The following SH2D1A variants were observed in gnomAD, a reference collection of about 807,000 sequenced individuals.
The protein encoded by SH2D1A is SH2 domain containing 1A.
Under a neutral mutation model 10.1 loss-of-function variants are expected in SH2D1A, and 6 were observed. The ratio of observed to expected loss-of-function variants is 0.60; its 90% CI spans 0.33 to 1.18. The LOEUF is 1.18. Ranked by LOEUF, SH2D1A falls within the 50% of genes most tolerant of loss-of-function variation. SH2D1A has a pLI of 0.04. For synonymous variants in SH2D1A, 42 were observed against 36.9 expected (o/e 1.14, Z -0.51); for missense variants, 51 against 97.6 (o/e 0.52, Z 2.01).
At chrX:124,362,439 G>A (rs1486658798) in intron 1 of SH2D1A, among the ~76,000 whole-genome samples, 1 of 112,199 alleles carries the variant, frequency 8.9e-6, no homozygotes, top group Non-Finnish European at 1.9e-5. Flanking sequence ...GGACTTGCTT[G>A]GGACCTGTGA....
intron 2 of SH2D1A, among the ~76,000 whole-genome samples, chrX:124,367,014 C>A (rs139819459): frequency 0.022 from 2,376 of 110,076 alleles, 62 homozygotes; most frequent in African/African-American, 0.074. Flanking sequence ...ATCTTAAATG[C>A]TTAGGGTTTA....
rs1341460307 is a variant in SH2D1A at position 124,372,023 on chromosome X, C to G, written c.*632C>G. 6.3e-6 allele frequency: 1 copy of G among 158,566 alleles called. No homozygotes were observed. The highest frequency in any genetic ancestry group is 1.2e-5 in the Non-Finnish European group (1 of 81,875). The allele number at this position is 158,566 out of a possible 1,213,427, so 13.1% of individuals were successfully genotyped here. A position where few individuals can be genotyped will look rare whatever the true frequency, so the allele number is the denominator to read the frequency against. On this transcript the variant is annotated 3_prime_UTR_variant, in exon 4 of 4. Transcript: ENST00000371139. ...AAAATCTTATAATTTAAAATATGCT[C>G]TAAACATGTTTATCGTATTTGATGC...
intron 2 of SH2D1A, chrX:124,367,645 T>C (rs2060059153): frequency 8.9e-6 from 1 of 112,219 alleles, no homozygotes; most frequent in Non-Finnish European, 1.9e-5. Context: ...TGTGCATATA[T>C]TATGCTAGAA....
Position 124,350,963 on chromosome X carries a change from ATTG to A in SH2D1A, c.137+4186_137+4188del, listed in dbSNP as rs1240853542. Among the ~76,000 whole-genome samples the A allele has an allele frequency of 2.9e-3, 172 of 59,390 alleles. 5 individuals are homozygous for A. Among genetic ancestry groups the A allele is most frequent in the African/African-American group, 0.016 (163 of 10,389 alleles). 51.6% of individuals were successfully genotyped at this position (59,390 alleles called of 115,157 possible). Reference sequence around the variant, plus strand: ...GTATATAAGATATAATATATTATATATTGTATATAAGATATAATATATTATATA... The same window carrying A: ...GTATATAAGATATAATATATTATATATATATAAGATATAATATATTATATA... On this transcript the variant is annotated intron_variant, in intron 1 of 3. Coordinates refer to ENST00000371139, the MANE Select transcript of SH2D1A (RefSeq NM_002351.5).
Position 124,370,199 on chromosome X carries a change from A to G in SH2D1A, c.225A>G (p.Arg75=), listed in dbSNP as rs371553659. The G allele has an allele frequency of 2.5e-6, 3 of 1,202,565 alleles. No homozygotes were observed. In the African/African-American group the frequency reaches 5.3e-5, roughly 21 times the overall value. The part of the protein sequence containing the change: ...SAETAPGVHK[R]YFRKIKNLIS... Reference sequence around the variant, plus strand: ...AGACAGCACCTGGGGTACATAAAAGATATTTCCGGAAAATAAAAAATCTCA... The same window carrying G: ...AGACAGCACCTGGGGTACATAAAAGGTATTTCCGGAAAATAAAAAATCTCA... The change falls in exon 3 of 4, where the codon AGA becomes AGG. Residue 75 remains arginine (R), a synonymous_variant. Transcript: ENST00000371139.
intron 1 of SH2D1A, among the ~76,000 whole-genome samples, chrX:124,351,057 A>G (rs2060013477): frequency 1.1e-5 from 1 of 91,386 alleles, no homozygotes; most frequent in African/African-American, 4.0e-5. Context: ...ATATTATTAT[A>G]AATATATATT....
chrX:124,351,857 G>GT (rs754898914), intron 1 of SH2D1A, among the ~76,000 whole-genome samples: 1 of 110,251 alleles, frequency 9.1e-6, no homozygotes, highest in Non-Finnish European at 1.9e-5. Flanking sequence ...GAAGTTTGGT[G>GT]TTTGCCCTTA....
Position 124,358,350 on chromosome X carries a change from T to C in SH2D1A, c.138-7411T>C, listed in dbSNP as rs1012297143. 3.6e-5 allele frequency among the ~76,000 whole-genome samples: 4 copies of C among 112,101 alleles called. No homozygotes were observed. In the East Asian group the frequency reaches 1.1e-3, roughly 31 times the overall value. On this transcript the variant is annotated intron_variant, in intron 1 of 3. Transcript: ENST00000371139. Reference sequence around the variant, plus strand: ...GAGTGTATGAAGATAAGCAAGGTTATGCAGTCAAAAATATGTATGGTTTTA... The same window carrying C: ...GAGTGTATGAAGATAAGCAAGGTTACGCAGTCAAAAATATGTATGGTTTTA...
intron 1 of SH2D1A, among the ~76,000 whole-genome samples, chrX:124,360,999 A>G (rs2060039050): frequency 9.0e-6 from 1 of 111,568 alleles, no homozygotes; most frequent in African/African-American, 3.3e-5. Flanking sequence ...CCCCATCTAT[A>G]AAATAAATAT....
chrX:124,367,815 T>C (rs1056590142), intron 2 of SH2D1A, among the ~76,000 whole-genome samples: 7 of 111,900 alleles, frequency 6.3e-5, no homozygotes, highest in African/African-American at 1.9e-4. Context: ...GACTAAAAGT[T>C]TGTTACATTG....
chrX:124,351,940 G>T (rs1005622841), intron 1 of SH2D1A, among the ~76,000 whole-genome samples: 1 of 109,184 alleles, frequency 9.2e-6, no homozygotes, highest in African/African-American at 3.3e-5. Context: ...TCCTTGATCT[G>T]TTGCAAGGTA....
At chrX:124,365,365 C>T (rs2060051520) in intron 1 of SH2D1A, among the ~76,000 whole-genome samples, 1 of 109,574 alleles carries the variant, frequency 9.1e-6, no homozygotes, top group Non-Finnish European at 1.9e-5. Flanking sequence ...TGTATTATCC[C>T]AGTGAAATGT....
intron 1 of SH2D1A, among the ~76,000 whole-genome samples, chrX:124,347,675 A>T (rs1271181388): frequency 1.8e-5 from 2 of 111,586 alleles, no homozygotes; most frequent in African/African-American, 6.5e-5. Context: ...CCTACCTCAT[A>T]GGATTGTAAG....
intron 1 of SH2D1A, among the ~76,000 whole-genome samples, chrX:124,356,770 T>C (rs1270694754): frequency 8.9e-6 from 1 of 112,626 alleles, no homozygotes; most frequent in African/African-American, 3.2e-5. Context: ...GCATTAACAT[T>C]GTAAACCTTC....
intron 1 of SH2D1A, among the ~76,000 whole-genome samples, chrX:124,353,905 A>G (rs888682340): frequency 8.9e-6 from 1 of 112,220 alleles, no homozygotes; most frequent in Non-Finnish European, 1.9e-5. Context: ...CAAACAACTG[A>G]ACTGGAGAAA....
chrX:124,363,916 A>AAAAAAAAAG (rs1569527532), intron 1 of SH2D1A, among the ~76,000 whole-genome samples: 3 of 85,084 alleles, frequency 3.5e-5, no homozygotes, highest in African/African-American at 4.7e-5. Flanking sequence ...AAAAAAAAAA[A>AAAAAAAAAG]GAAAGAAAAA....
intron 2 of SH2D1A, chrX:124,367,480 A>G (rs1471566865): frequency 2.7e-5 from 3 of 112,054 alleles, no homozygotes; most frequent in Admixed American, 9.5e-5. Flanking sequence ...AGAATAGCTG[A>G]GTTCAGTGAC....
At position 124,371,549 on chromosome X, in the gene SH2D1A, G is replaced by C; in HGVS notation, c.*158G>C. Reference sequence around the variant, plus strand: ...CTAGCATGTCGTCAAAGCTGAAATGGACTTTTGTACATAGTGAGGAGCTTT... The same window carrying C: ...CTAGCATGTCGTCAAAGCTGAAATGCACTTTTGTACATAGTGAGGAGCTTT... On this transcript the variant is annotated 3_prime_UTR_variant, in exon 4 of 4. Coordinates refer to ENST00000371139, the MANE Select transcript of SH2D1A (RefSeq NM_002351.5). 2.9e-6 allele frequency: 1 copy of C among 348,716 alleles called. No individual in the cohort carries two copies. The highest frequency in any genetic ancestry group is 5.0e-6 in the Non-Finnish European group (1 of 199,066). The allele number at this position is 348,716 out of a possible 1,213,427, so 28.7% of individuals were successfully genotyped here.
At chrX:124,356,073 G>A (rs1487769035) in intron 1 of SH2D1A, among the ~76,000 whole-genome samples, 2 of 78,888 alleles carry the variant, frequency 2.5e-5, no homozygotes, top group East Asian at 3.9e-4. Context: ...CCCAGGACAG[G>A]CCCCAGTGTG....
Sources: gnomAD v4.1 joint callset for allele counts (sites outside exome capture counted in the v4.1 genomes callset) on GRCh38, gnomAD v4.1.1 for gene constraint, MANE v1.5 for transcripts, NCBI Gene and HGNC (gene_info 2026-07-23, HGNC 2026-07-21) for gene names.